CHDH: variants seen among roughly 807,000 people sequenced by gnomAD.
CHDH encodes the protein choline dehydrogenase, mitochondrial.
Under a neutral mutation model 56.9 loss-of-function variants are expected in CHDH, and 43 were observed. That is an observed-to-expected ratio of 0.76 (90% CI 0.59 to 0.97). The LOEUF is 0.97. Among genes scored for constraint, CHDH ranks in the 50% least tolerant of loss-of-function variants. The pLI, the probability that CHDH is intolerant of heterozygous loss-of-function variation, is 0.00. For missense variants in CHDH, 816 were observed against 821.1 expected (o/e 0.99, Z 0.08); for synonymous variants, 364 against 348.5 (o/e 1.04, Z -0.50).
At chr3:53,830,850 C>T (rs572063447) in intron 2 of CHDH, among the ~76,000 whole-genome samples, 2 of 152,212 alleles carry the variant, frequency 1.3e-5, no homozygotes, top group East Asian at 3.9e-4. Context: ...CCTCGCCCCC[C>T]ACCCCCACAG....
chr3:53,838,587 C>T (rs1015769806), intron 2 of CHDH, among the ~76,000 whole-genome samples: 1 of 152,210 alleles, frequency 6.6e-6, no homozygotes, highest in African/African-American at 2.4e-5. Flanking sequence ...AGAAAGACAA[C>T]TGCTGTTCCC....
intron 2 of CHDH, among the ~76,000 whole-genome samples, chr3:53,829,132 G>A (rs965825239): frequency 3.9e-5 from 6 of 151,960 alleles, no homozygotes; most frequent in South Asian, 2.1e-4. Flanking sequence ...ATTACTAAAC[G>A]AAAGAAGCCA....
rs751924337 is a variant in CHDH at position 53,823,974 on chromosome 3, C to G, written c.35G>C (p.Gly12Ala). 6.7e-7 allele frequency: 1 copy of G among 1,502,908 alleles called. No homozygotes were observed. The highest frequency in any genetic ancestry group is 8.8e-7 in the Non-Finnish European group (1 of 1,135,922). 93.1% of individuals were successfully genotyped at this position (1,502,908 alleles called of 1,614,324 possible). A position where few individuals can be genotyped will look rare whatever the true frequency, so the allele number is the denominator to read the frequency against. ...CCCCAGGGCTCCCCGTGCCAGGGCT[C>G]CAGGCCGGCCCAGGCCTCGTAGGAG... ...WCLLRGLGRPGALARGALGQQ... is the reference protein window; with the variant it reads ...WCLLRGLGRPAALARGALGQQ... The change falls in exon 3 of 9, where the codon GGA becomes GCA. Residue 12 changes from glycine to alanine, a missense_variant. By Grantham distance (60) the Gly-to-Ala change is moderately conservative. Coordinates refer to ENST00000315251, the MANE Select transcript of CHDH (RefSeq NM_018397.5).
At chr3:53,822,709 A>T (rs2095629958) in intron 3 of CHDH, 67 bp from the exon 4 acceptor site, 1 of 1,553,086 alleles carries the variant, frequency 6.4e-7, no homozygotes, top group South Asian at 1.1e-5. Flanking sequence ...AGGAGGAAGG[A>T]GCTGGAGAAA....
chr3:53,838,404 G>A (rs1456979658), intron 2 of CHDH, among the ~76,000 whole-genome samples: 1 of 152,222 alleles, frequency 6.6e-6, no homozygotes, highest in Non-Finnish European at 1.5e-5. Flanking sequence ...CTCCAGATGT[G>A]TACTCCCTGC....
Position 53,817,532 on chromosome 3 carries a change from T to A in CHDH, c.*245A>T, listed in dbSNP as rs1191106698. On this transcript the variant is annotated 3_prime_UTR_variant, in exon 9 of 9. Transcript: ENST00000315251. ...TCCCTCCAGGAGGCAGGGAGGAACA[T>A]CTCAGGCTGAATGCTGGCCTTCCCC... The A allele has an allele frequency of 1.1e-5, 6 of 522,466 alleles. No homozygotes were observed. 32.4% of individuals were successfully genotyped at this position (522,466 alleles called of 1,614,324 possible).
chr3:53,829,448 C>T (rs1005915606), intron 2 of CHDH, among the ~76,000 whole-genome samples: 8 of 152,182 alleles, frequency 5.3e-5, no homozygotes, highest in Non-Finnish European at 1.0e-4. Flanking sequence ...CACTTTAGTG[C>T]GAGGATGTTG....
intron 1 of CHDH, among the ~76,000 whole-genome samples, chr3:53,843,846 G>T (rs1698758310): frequency 6.6e-6 from 1 of 152,172 alleles, no homozygotes; most frequent in African/African-American, 2.4e-5. Flanking sequence ...TACAGAAAAG[G>T]AAACTGCTCT....
chr3:53,818,222 A>G (rs751694342), intron 8 of CHDH, 27 bp from the exon 9 acceptor site: 4 of 1,562,356 alleles, frequency 2.6e-6, no homozygotes, highest in Non-Finnish European at 2.6e-6. Flanking sequence ...ACAGGTGAGG[A>G]CCCCTCCTTT....
Position 53,819,794 on chromosome 3 carries a change from A to T in CHDH, c.1121-120T>A. On this transcript the variant is annotated intron_variant, in intron 6 of 8. Transcript: ENST00000315251. This position sits in a 1 kb window ranked among gnomAD's most constrained non-coding sequence, Gnocchi z 5.4. ...TCTTCCTTTTCCCGGACTCCACTCT[A>T]GTGCCTGGACCCAAGTCCTGTCCAC... 17 of 1,254,468 alleles carry T rather than the reference A, an allele frequency of 1.4e-5. No homozygotes were observed. Among genetic ancestry groups the T allele is most frequent in the Non-Finnish European group, 1.6e-5 (15 of 925,216 alleles). The allele number at this position is 1,254,468 out of a possible 1,614,324, so 77.7% of individuals were successfully genotyped here.
At chr3:53,828,988 A>G (rs555781160) in intron 2 of CHDH, among the ~76,000 whole-genome samples, 1 of 152,394 alleles carries the variant, frequency 6.6e-6, no homozygotes, top group Admixed American at 6.5e-5. Flanking sequence ...CAAAGCTGGA[A>G]GGAACCAAGA....
Position 53,819,099 on chromosome 3 carries a change from G to T in CHDH, c.1264-59C>A. 8.4e-7 allele frequency: 1 copy of T among 1,185,372 alleles called. No homozygotes were observed. Among genetic ancestry groups the T allele is most frequent in the Non-Finnish European group, 1.2e-6 (1 of 810,066 alleles). 73.4% of individuals were successfully genotyped at this position (1,185,372 alleles called of 1,614,324 possible). A position where few individuals can be genotyped will look rare whatever the true frequency, so the allele number is the denominator to read the frequency against. ...TCCATAGACATCCACAGTGACCTCT[G>T]TCAACCCTGGTTTACCTGTAGGGTG... On this transcript the variant is annotated intron_variant, in intron 7 of 8. Transcript: ENST00000315251. This position sits in a 1 kb window ranked among gnomAD's most constrained non-coding sequence, Gnocchi z 5.4.
chr3:53,839,526 T>C (rs1038074504), intron 2 of CHDH, among the ~76,000 whole-genome samples: 5 of 152,246 alleles, frequency 3.3e-5, no homozygotes, highest in Non-Finnish European at 7.3e-5. Context: ...GATGTCAAGA[T>C]ATCATTATTT....
In CHDH at chr3:53,813,039, AC is replaced by A. The variant is rs1443833496; in HGVS notation, c.*4737del. ...ACAGAATTAGGCCGACTGTCAGGTT[AC>A]CTTGGCAGGGATTCCCTGCAATCAA... On this transcript the variant is annotated 3_prime_UTR_variant, in exon 9 of 9. Transcript: ENST00000315251. The A allele has an allele frequency of 6.6e-6, 1 of 152,082 alleles. No individual in the cohort carries two copies. Among genetic ancestry groups the A allele is most frequent in the African/African-American group, 2.4e-5 (1 of 41,398 alleles). 9.4% of individuals were successfully genotyped at this position (152,082 alleles called of 1,614,324 possible).
rs1698879558 is a variant in CHDH, at chr3:53,846,230, C to T, written c.-278G>A. On this transcript the variant is annotated 5_prime_UTR_variant, in exon 1 of 9. Coordinates refer to ENST00000315251, the MANE Select transcript of CHDH (RefSeq NM_018397.5). ...GTCCGGAATGGGGACGCAGCAGTTC[C>T]GACCCGGTCGGCCCCGGAGCCGCGA... 1 of 238,066 alleles carries T rather than the reference C, an allele frequency of 4.2e-6. No homozygotes were observed. The highest frequency in any genetic ancestry group is 8.6e-5 in the East Asian group (1 of 11,580). 14.7% of individuals were successfully genotyped at this position (238,066 alleles called of 1,614,324 possible).
intron 2 of CHDH, among the ~76,000 whole-genome samples, chr3:53,829,258 G>A (rs1046482759): frequency 2.0e-5 from 3 of 152,132 alleles, no homozygotes; most frequent in African/African-American, 7.2e-5. Context: ...GGATAAACAG[G>A]CAGGCCACAA....
At position 53,823,412 on chromosome 3, in the gene CHDH, G is replaced by C. The variant is rs375310033; in HGVS notation, c.597C>G (p.His199Gln). The C allele has an allele frequency of 6.3e-6, 10 of 1,595,286 alleles. No individual in the cohort carries two copies. Among genetic ancestry groups the C allele is most frequent in the Non-Finnish European group, 8.5e-6 (10 of 1,171,010 alleles). The change falls in exon 3 of 9, where the codon CAC becomes CAG. Residue 199 changes from histidine to glutamine, a missense_variant. His to Gln is a conservative substitution (Grantham distance 24, BLOSUM62 0). Coordinates refer to ENST00000315251, the MANE Select transcript of CHDH (RefSeq NM_018397.5). ...VSRGKTNHPL[H>Q]CAFLEATQQA... ...GCTGCGTGGCCTCCAGGAATGCGCA[G>C]TGCAGCGGGTGGTTGGTCTTGCCCC...
chr3:53,839,525 A>T (rs1698608669), intron 2 of CHDH, among the ~76,000 whole-genome samples: 1 of 152,220 alleles, frequency 6.6e-6, no homozygotes, highest in South Asian at 2.1e-4. Flanking sequence ...GGATGTCAAG[A>T]TATCATTATT....
chr3:53,836,318 T>G (rs555863908), intron 2 of CHDH, among the ~76,000 whole-genome samples: 1 of 152,332 alleles, frequency 6.6e-6, no homozygotes, highest in Admixed American at 6.5e-5. Context: ...GGCCCTCTTG[T>G]CCTAAGCCCG....
Sources: allele counts gnomAD v4.1 joint callset (sites outside exome capture counted in the v4.1 genomes callset), GRCh38; gene constraint gnomAD v4.1.1; non-coding constraint Gnocchi (gnomAD v3.1); transcripts MANE v1.5; gene names NCBI Gene and HGNC (gene_info 2026-07-23, HGNC 2026-07-21).